LRP1B: variants seen among roughly 807,000 people sequenced by gnomAD.
LRP1B encodes the protein LDL receptor related protein 1B.
A neutral mutation model predicts 556.6 loss-of-function variants in LRP1B; 217 were observed. The ratio of observed to expected loss-of-function variants is 0.39; its 90% CI spans 0.35 to 0.44. LRP1B has a LOEUF of 0.44. Ranked by LOEUF, LRP1B falls within the 20% of genes least tolerant of loss-of-function variation. The pLI, the probability that LRP1B is intolerant of heterozygous loss-of-function variation, is 1.00. For missense variants in LRP1B, 5,053 were observed against 5,620.8 expected (o/e 0.90, Z 3.23); for synonymous variants, 2,047 against 1,865.8 (o/e 1.10, Z -2.50).
In LRP1B at chr2:141,315,554, C is replaced by T. The variant is rs371467505; in HGVS notation, c.344-60913G>A. Among the ~76,000 whole-genome samples, 354 of 151,522 alleles carry T rather than the reference C, an allele frequency of 2.3e-3. 2 individuals carry two copies. Among genetic ancestry groups the T allele is most frequent in the African/African-American group, 7.9e-3 (325 of 41,380 alleles). On this transcript the variant is annotated intron_variant, in intron 3 of 90. Coordinates refer to ENST00000389484, the MANE Select transcript of LRP1B (RefSeq NM_018557.3). ...GATTACAGGTGTGAGCCACCACGCC[C>T]GGCCGAATGATTGTATTTTATAAAT...
chr2:140,304,876 C>T (rs188826032), intron 83 of LRP1B, among the ~76,000 whole-genome samples: 106 of 152,276 alleles, frequency 7.0e-4, no homozygotes, highest in African/African-American at 2.5e-3. Context: ...CAACATATGG[C>T]TAGTCAGTTT....
intron 1 of LRP1B, among the ~76,000 whole-genome samples, chr2:141,903,445 A>G (rs1320364750): frequency 6.6e-6 from 1 of 151,922 alleles, no homozygotes; most frequent in Non-Finnish European, 1.5e-5. Context: ...CTCTGCCACT[A>G]AACTGACCCT....
chr2:142,027,368 TA>T (rs1703543814), intron 1 of LRP1B, among the ~76,000 whole-genome samples: 1 of 151,844 alleles, frequency 6.6e-6, no homozygotes, highest in Admixed American at 6.6e-5. Context: ...CCAGCATTTC[TA>T]ATTTCTTTAA....
rs558500434 is a variant in LRP1B, at chr2:141,823,466, TCAGA to T, written c.83-13069_83-13066del. Among the ~76,000 whole-genome samples the T allele has an allele frequency of 7.2e-5, 11 of 152,134 alleles. No homozygotes were observed. In the South Asian group the frequency reaches 2.1e-3, roughly 29 times the overall value. ...GTGTGTTGGGTGATTATACTAACAATCAGAAGTAACTGACAGAGTCATCAGAGAA... is the reference window on the plus strand; with the variant it reads ...GTGTGTTGGGTGATTATACTAACAATAGTAACTGACAGAGTCATCAGAGAA... On this transcript the variant is annotated intron_variant, in intron 1 of 90. Transcript: ENST00000389484.
At chr2:141,504,578 A>G (rs941595437) in intron 2 of LRP1B, among the ~76,000 whole-genome samples, 1 of 152,128 alleles carries the variant, frequency 6.6e-6, no homozygotes, top group African/African-American at 2.4e-5. Flanking sequence ...ACTTGTCTGC[A>G]GAAACAACAC....
chr2:141,716,825 C>T (rs1692612150), intron 2 of LRP1B, among the ~76,000 whole-genome samples: 1 of 152,172 alleles, frequency 6.6e-6, no homozygotes, highest in Non-Finnish European at 1.5e-5. Context: ...TTATGAGACA[C>T]TCTGAAATCT....
intron 43 of LRP1B, among the ~76,000 whole-genome samples, chr2:140,568,719 A>G (rs1194912181): frequency 6.6e-6 from 1 of 152,160 alleles, no homozygotes; most frequent in African/African-American, 2.4e-5. Flanking sequence ...ACAGAATGCT[A>G]CAAACTGAAA....
rs557540972 is a variant in LRP1B, at chr2:141,490,369, T to TTGTGTGTGTGTGTGTGTGTGTG, written c.206-9837_206-9836insCACACACACACACACACACACA. ...AAAATATTGTCATGTTAAAATAGCC[T>TTGTGTGTGTGTGTGTGTGTGTG]CGTGTGTGTGTGTGTGTGTGTGTGT... On this transcript the variant is annotated intron_variant, in intron 2 of 90. Coordinates refer to ENST00000389484, the MANE Select transcript of LRP1B (RefSeq NM_018557.3). Among the ~76,000 whole-genome samples, 468 of 108,616 alleles carry TTGTGTGTGTGTGTGTGTGTGTG rather than the reference T, an allele frequency of 4.3e-3. 8 individuals carry two copies. The highest frequency in any genetic ancestry group is 0.011 in the Admixed American group (123 of 10,896). 71.3% of individuals were successfully genotyped at this position (108,616 alleles called of 152,430 possible). A position where few individuals can be genotyped will look rare whatever the true frequency, so the allele number is the denominator to read the frequency against.
intron 2 of LRP1B, among the ~76,000 whole-genome samples, chr2:141,694,637 C>T (rs74601372): frequency 6.7e-6 from 1 of 149,808 alleles, no homozygotes; most frequent in African/African-American, 2.5e-5. Flanking sequence ...CATGATCATT[C>T]GATTGTTTCA....
intron 1 of LRP1B, among the ~76,000 whole-genome samples, chr2:142,020,891 G>T (rs1028430562): frequency 5.9e-5 from 9 of 152,124 alleles, no homozygotes; most frequent in Admixed American, 3.3e-4. Flanking sequence ...TTGCTCTCTT[G>T]ATTCTTGCTA....
intron 76 of LRP1B, among the ~76,000 whole-genome samples, chr2:140,352,207 G>T (rs1277394619): frequency 6.6e-6 from 1 of 151,844 alleles, no homozygotes; most frequent in Non-Finnish European, 1.5e-5. Context: ...ATGGAGTCTT[G>T]CTCTGTCACC....
chr2:141,831,903 C>T (rs1279008136), intron 1 of LRP1B, among the ~76,000 whole-genome samples: 1 of 151,700 alleles, frequency 6.6e-6, no homozygotes, highest in Non-Finnish European at 1.5e-5. Context: ...TTTCATTGCT[C>T]AAGCCTCACT....
At chr2:140,796,156 C>T (rs1690305493) in intron 32 of LRP1B, among the ~76,000 whole-genome samples, 1 of 151,316 alleles carries the variant, frequency 6.6e-6, no homozygotes, top group Non-Finnish European at 1.5e-5. Flanking sequence ...ATGTATTTTT[C>T]CCTGAAAATG....
chr2:140,890,977 T>C (rs1273998139), intron 23 of LRP1B, among the ~76,000 whole-genome samples: 1 of 152,120 alleles, frequency 6.6e-6, no homozygotes, highest in Non-Finnish European at 1.5e-5. Flanking sequence ...TAGCCATCCA[T>C]TTTTACTGTT....
At chr2:140,919,866 T>G (rs1022254260) in intron 21 of LRP1B, among the ~76,000 whole-genome samples, 3 of 152,100 alleles carry the variant, frequency 2.0e-5, no homozygotes, top group African/African-American at 7.2e-5. Flanking sequence ...TTTAATGACA[T>G]TAGAATACTT....
At chr2:141,654,280 T>A (rs993362628) in intron 2 of LRP1B, among the ~76,000 whole-genome samples, 4 of 152,194 alleles carry the variant, frequency 2.6e-5, no homozygotes, top group Non-Finnish European at 5.9e-5. Flanking sequence ...CATCAGACCC[T>A]TTGTAAAGTG....
intron 22 of LRP1B, among the ~76,000 whole-genome samples, chr2:140,904,265 CTT>C (rs1694185315): frequency 6.6e-6 from 1 of 152,002 alleles, no homozygotes; most frequent in African/African-American, 2.4e-5. Flanking sequence ...AGATAATTGT[CTT>C]TGAAACCACA....
chr2:141,977,773 A>G (rs1487890564), intron 1 of LRP1B, among the ~76,000 whole-genome samples: 1 of 152,168 alleles, frequency 6.6e-6, no homozygotes, highest in Non-Finnish European at 1.5e-5. Context: ...AGTTTACTAT[A>G]GAATGATAGA....
chr2:140,664,178 G>T (rs1685189860), intron 41 of LRP1B, among the ~76,000 whole-genome samples: 1 of 152,014 alleles, frequency 6.6e-6, no homozygotes, highest in African/African-American at 2.4e-5. Context: ...ATAATAATAA[G>T]GAAAAGACTG....
Sources: allele counts gnomAD v4.1 joint callset (sites outside exome capture counted in the v4.1 genomes callset), GRCh38; gene constraint gnomAD v4.1.1; transcripts MANE v1.5; gene names NCBI Gene and HGNC (gene_info 2026-07-23, HGNC 2026-07-21).